The following SH3GLB2 variants were observed in gnomAD, a reference collection of about 807,000 sequenced individuals.
The protein encoded by SH3GLB2 is endophilin-B2.
In SH3GLB2, 24 loss-of-function variants were observed where a neutral mutation model predicts 48.0. The ratio of observed to expected loss-of-function variants is 0.50; its 90% CI spans 0.36 to 0.70. SH3GLB2 has a LOEUF of 0.70. SH3GLB2 is among the 30% of genes least tolerant of loss of function. The pLI is 0.00. For synonymous variants in SH3GLB2, 227 were observed against 207.6 expected, an observed-to-expected ratio of 1.09 and a Z score of -0.80; for missense variants, 425 against 516.0, an observed-to-expected ratio of 0.82 and a Z score of 1.71.
intron 1 of SH3GLB2, among the ~76,000 whole-genome samples, chr9:129,023,053 G>C (rs551907412): frequency 3.9e-5 from 6 of 152,340 alleles, no homozygotes; most frequent in African/African-American, 9.6e-5. Context: ...CATAGGTTAT[G>C]AGGATGAAAG....
In SH3GLB2 at chr9:129,028,300, G is replaced by T; in HGVS notation, c.-146C>A. The T allele has an allele frequency of 2.5e-6, 1 of 401,420 alleles. No homozygotes were observed. The highest frequency in any genetic ancestry group is 3.4e-6 in the Non-Finnish European group (1 of 298,300). 24.9% of individuals were successfully genotyped at this position (401,420 alleles called of 1,614,324 possible). On this transcript the variant is annotated 5_prime_UTR_variant, in exon 1 of 11. Transcript: ENST00000372564. ...TGCCGGCCTGCCCGCCTGCCCGCCC[G>T]CCGCAGCCGCCGAGCCAGCCCGAGC...
At chr9:129,009,375 T>C (rs1260282640) in intron 9 of SH3GLB2, 29 bp from the exon 10 acceptor site, 1 of 1,550,834 alleles carries the variant, frequency 6.4e-7, no homozygotes, top group South Asian at 1.2e-5. Context: ...TCTTAGCAGG[T>C]GGGAGTCCCA....
intron 3 of SH3GLB2, among the ~76,000 whole-genome samples, chr9:129,016,951 C>CTT (rs766780203): frequency 4.6e-4 from 52 of 112,390 alleles, no homozygotes; most frequent in African/African-American, 1.1e-3. Flanking sequence ...ATACTCTGCT[C>CTT]TTTTTTTTTT....
chr9:129,012,302 G>A lies in SH3GLB2; in HGVS notation c.562-4C>T. 1.5e-6 allele frequency: 2 copies of A among 1,300,230 alleles called. No individual in the cohort carries two copies. Among genetic ancestry groups the A allele is most frequent in the South Asian group, 3.1e-5 (1 of 32,678 alleles). 80.5% of individuals were successfully genotyped at this position (1,300,230 alleles called of 1,614,324 possible). A position where few individuals can be genotyped will look rare whatever the true frequency, so the allele number is the denominator to read the frequency against. Reference sequence around the variant, plus strand: ...TCTCCTGAAAGTCAGGCACCGTCTGGCGGGGAACAGAGTTCATGTGGGGAG... The same window carrying A: ...TCTCCTGAAAGTCAGGCACCGTCTGACGGGGAACAGAGTTCATGTGGGGAG... On this transcript the variant is annotated splice_polypyrimidine_tract_variant and splice_region_variant and intron_variant, in intron 5 of 10. Transcript: ENST00000372564.
At chr9:129,023,509 T>C (rs1242262566) in intron 1 of SH3GLB2, among the ~76,000 whole-genome samples, 1 of 152,150 alleles carries the variant, frequency 6.6e-6, no homozygotes, top group Non-Finnish European at 1.5e-5. Context: ...CAACAAACAC[T>C]GTTGGCCAGC....
chr9:129,021,544 G>C (rs981352758), intron 2 of SH3GLB2, among the ~76,000 whole-genome samples: 1 of 151,858 alleles, frequency 6.6e-6, no homozygotes, highest in Non-Finnish European at 1.5e-5. Flanking sequence ...CACACAGCAC[G>C]ACCCGGAGCC....
intron 3 of SH3GLB2, among the ~76,000 whole-genome samples, chr9:129,017,620 G>A (rs965070885): frequency 1.3e-5 from 2 of 151,920 alleles, no homozygotes; most frequent in South Asian, 2.1e-4. Flanking sequence ...CAAAAAATAC[G>A]CCGGGTGTGA....
intron 1 of SH3GLB2, among the ~76,000 whole-genome samples, chr9:129,026,990 T>A (rs1334930464): frequency 6.6e-6 from 1 of 151,364 alleles, no homozygotes; most frequent in African/African-American, 2.4e-5. Context: ...AGTGCCCGGG[T>A]TGGGGGTGGG....
intron 5 of SH3GLB2, chr9:129,013,176 C>T (rs1208084570): frequency 8.1e-6 from 6 of 737,384 alleles, no homozygotes; most frequent in Non-Finnish European, 1.4e-5. Context: ...CTGAAGAGTC[C>T]TAACGTGTGC....
chr9:129,009,706 G>A, intron 9 of SH3GLB2, 65 bp downstream of exon 9: 2 of 1,485,174 alleles, frequency 1.3e-6, no homozygotes, highest in South Asian at 2.4e-5. Context: ...AGGAGCTCAT[G>A]CTGCCCACGG....
chr9:129,028,064 C>G (rs1473807797), intron 1 of SH3GLB2, 28 bp downstream of exon 1: 2 of 1,496,046 alleles, frequency 1.3e-6, no homozygotes, highest in Non-Finnish European at 1.8e-6. Flanking sequence ...TCCGGGCCCC[C>G]GGCGCACGGC....
intron 1 of SH3GLB2, 35 bp downstream of exon 1, chr9:129,028,057 G>A: frequency 6.7e-7 from 1 of 1,493,420 alleles, no homozygotes. Flanking sequence ...CCGCACATCC[G>A]GGCCCCCGGC....
chr9:129,015,268 G>A (rs528269901), intron 3 of SH3GLB2, among the ~76,000 whole-genome samples: 1 of 152,224 alleles, frequency 6.6e-6, no homozygotes, highest in African/African-American at 2.4e-5. Context: ...AGGCCGAGAC[G>A]GGAGGATCAC....
intron 3 of SH3GLB2, among the ~76,000 whole-genome samples, chr9:129,019,172 GC>G (rs1468242262): frequency 6.6e-6 from 1 of 151,538 alleles, no homozygotes; most frequent in Non-Finnish European, 1.5e-5. Context: ...GGTCACTTCA[GC>G]TTAGGAGTTT....
chr9:129,012,354 T>A (rs1001510641), intron 5 of SH3GLB2, 56 bp from the exon 6 acceptor site: 1 of 1,171,780 alleles, frequency 8.5e-7, no homozygotes, highest in African/African-American at 1.6e-5. Context: ...AGGGCCAGGG[T>A]CGAGGTCAGG....
chr9:129,027,884 A>G (rs1844254166), intron 1 of SH3GLB2, among the ~76,000 whole-genome samples: 1 of 152,208 alleles, frequency 6.6e-6, no homozygotes, highest in Non-Finnish European at 1.5e-5. Context: ...GCCTCGCCCC[A>G]GGCAGCAGGG....
At chr9:129,013,049 A>G in intron 5 of SH3GLB2, 1 of 1,551,132 alleles carries the variant, frequency 6.4e-7, no homozygotes, top group Non-Finnish European at 8.7e-7. Context: ...GCAGGACGGA[A>G]AGGAACAAAA....
In SH3GLB2 at chr9:129,024,387, C is replaced by T. The variant is rs139498461; in HGVS notation, c.64-1964G>A. Among the ~76,000 whole-genome samples, 387 of 151,680 alleles carry T rather than the reference C, an allele frequency of 2.6e-3. 4 individuals are homozygous for T. Among genetic ancestry groups the T allele is most frequent in the African/African-American group, 9.0e-3 (374 of 41,330 alleles). ...CCATCCTGGCTAGCAAGGTGAAACCCCTTCTCTACTAAAAATACAAAAAAT... is the reference window on the plus strand; with the variant it reads ...CCATCCTGGCTAGCAAGGTGAAACCTCTTCTCTACTAAAAATACAAAAAAT... On this transcript the variant is annotated intron_variant, in intron 1 of 10. Coordinates refer to ENST00000372564, the MANE Select transcript of SH3GLB2 (RefSeq NM_020145.4).
chr9:129,009,671 G>A, intron 9 of SH3GLB2, 100 bp downstream of exon 9: 1 of 1,390,942 alleles, frequency 7.2e-7, no homozygotes, highest in Non-Finnish European at 9.9e-7. Context: ...CTCCAACCCA[G>A]CTTTGTGTCA....
Sources: allele counts gnomAD v4.1 joint callset (sites outside exome capture counted in the v4.1 genomes callset), GRCh38; gene constraint gnomAD v4.1.1; transcripts MANE v1.5; gene names NCBI Gene and HGNC (gene_info 2026-07-23, HGNC 2026-07-21).